POP1: variants seen among roughly 807,000 people sequenced by gnomAD.
POP1 encodes ribonucleases P/MRP protein subunit POP1.
In POP1, 75 loss-of-function variants were observed where a neutral mutation model predicts 102.2. The ratio of observed to expected loss-of-function variants is 0.73; its 90% CI spans 0.61 to 0.89. The LOEUF is 0.89. Ranked by LOEUF, POP1 falls within the 40% of genes least tolerant of loss-of-function variation. The pLI is 0.00. For synonymous variants in POP1, 436 were observed against 464.1 expected (o/e 0.94, Z 0.78); for missense variants, 1,116 against 1,267.4 (o/e 0.88, Z 1.81).
chr8:98,150,624 T>A lies in POP1; in HGVS notation c.2042T>A (p.Leu681His). 6.2e-7 allele frequency: 1 copy of A among 1,614,192 alleles called. No homozygotes were observed. The highest frequency in any genetic ancestry group is 2.2e-5 in the East Asian group (1 of 44,888). ...GCGGAAGAGCAAGCTAAGAATCTTC[T>A]TGAAAAGTACAAAAGGTAAGAAACT... ...LFAEEQAKNL[L>H]EKYKRRPPAK... Residue 681 changes from leucine (L) to histidine (H), a missense_variant, in exon 14 of 16, where the codon CTT becomes CAT. Coordinates refer to ENST00000401707, the MANE Select transcript of POP1 (RefSeq NM_001145860.2).
chr8:98,120,935 C>T (rs933265160), intron 1 of POP1, among the ~76,000 whole-genome samples: 2 of 152,100 alleles, frequency 1.3e-5, no homozygotes, highest in Non-Finnish European at 2.9e-5. Flanking sequence ...CGTGAACCAC[C>T]GCTCCCGGCC....
intron 1 of POP1, among the ~76,000 whole-genome samples, chr8:98,119,759 G>T (rs1311771803): frequency 2.0e-5 from 3 of 152,220 alleles, no homozygotes; most frequent in East Asian, 1.9e-4. Context: ...TGATTTCTTT[G>T]TAGGGATGAG....
chr8:98,132,287 A>G (rs1012204890), intron 5 of POP1, among the ~76,000 whole-genome samples: 1 of 152,112 alleles, frequency 6.6e-6, no homozygotes, highest in Non-Finnish European at 1.5e-5. Context: ...TAGGTAGTTT[A>G]CCCATGATTG....
rs56743833 is a variant in POP1 at position 98,145,927 on chromosome 8, A to G, written c.1595-641A>G. Among the ~76,000 whole-genome samples, 459 of 152,246 alleles carry G rather than the reference A, an allele frequency of 3.0e-3. 3 individuals carry two copies. The East Asian group carries it at 0.048, about 16-fold the overall frequency. Reference sequence around the variant, plus strand: ...TCTCAAAGAAAAAAAAAGGATGAAAAAATACATTTTACAGAAACGAATAAA... The same window carrying G: ...TCTCAAAGAAAAAAAAAGGATGAAAGAATACATTTTACAGAAACGAATAAA... On this transcript the variant is annotated intron_variant, in intron 11 of 15. Coordinates refer to ENST00000401707, the MANE Select transcript of POP1 (RefSeq NM_001145860.2).
At position 98,146,637 on chromosome 8, in the gene POP1, A is replaced by G. The variant is rs755923699; in HGVS notation, c.1664A>G (p.Asn555Ser). The G allele has an allele frequency of 3.7e-6, 6 of 1,613,820 alleles. No individual in the cohort carries two copies. The African/African-American group carries it at 6.7e-5, about 18-fold the overall frequency. The change falls in exon 12 of 16, where the codon AAC becomes AGC. Residue 555 changes from asparagine (N) to serine (S), a missense_variant. Coordinates refer to ENST00000401707, the MANE Select transcript of POP1 (RefSeq NM_001145860.2). ...PVECTHSFIWNQDICKSVTEN... is the reference protein window; with the variant it reads ...PVECTHSFIWSQDICKSVTEN... ...GAATGTACGCATAGCTTTATCTGGA[A>G]CCAAGATATCTGTAAGAGTGTCACA... is the stretch of plus-strand genomic sequence containing the variant.
rs1816678954 is a variant in POP1, at chr8:98,140,792, C to G, written c.1498C>G (p.Pro500Ala). 6.2e-7 allele frequency: 1 copy of G among 1,613,840 alleles called. No individual in the cohort carries two copies. Among genetic ancestry groups the G allele is most frequent in the African/African-American group, 1.3e-5 (1 of 74,920 alleles). Residue 500 changes from proline (P) to alanine (A), a missense_variant, in exon 11 of 16, where the codon CCG becomes GCG. Transcript: ENST00000401707. Reference sequence around the variant, plus strand: ...AGGAATAACATCACCAGCAGAAATTCCGGCAGGTACTATTCTGGGACTGAC... The same window carrying G: ...AGGAATAACATCACCAGCAGAAATTGCGGCAGGTACTATTCTGGGACTGAC... ...LGGITSPAEI[P>A]AGTILGLTVG...
chr8:98,127,460 A>G, intron 2 of POP1, 135 bp from the exon 3 acceptor site: 1 of 1,022,168 alleles, frequency 9.8e-7, no homozygotes, highest in Non-Finnish European at 1.5e-6. Flanking sequence ...TTTAAAAATA[A>G]GTAGTAATAG....
chr8:98,121,512 G>GTTTTTT (rs34259075), intron 1 of POP1, among the ~76,000 whole-genome samples: 4 of 119,690 alleles, frequency 3.3e-5, no homozygotes, highest in African/African-American at 9.9e-5. Flanking sequence ...GGTTACACGG[G>GTTTTTT]TTTTTTTTTT....
intron 11 of POP1, among the ~76,000 whole-genome samples, chr8:98,142,728 G>A (rs1245493081): frequency 6.6e-6 from 1 of 152,004 alleles, no homozygotes. Context: ...AACACTCTTT[G>A]GTAGTATGAC....
Position 98,134,016 on chromosome 8 carries a change from G to T in POP1, c.803G>T (p.Gly268Val), listed in dbSNP as rs1816458523. The change falls in exon 6 of 16, where the codon GGA (glycine) becomes GTA (valine). Residue 268 changes from glycine to valine, a missense_variant. Physicochemically the swap from Gly to Val is moderately radical, Grantham distance 109. Coordinates refer to ENST00000401707, the MANE Select transcript of POP1 (RefSeq NM_001145860.2). ...KEEEILKALS[G>V]MCNIDTGLTF... ...GAAGAAATACTAAAGGCGCTTTCTG[G>T]AATGTGTAACATAGACACAGGTAAA... The T allele has an allele frequency of 6.2e-7, 1 of 1,611,140 alleles. No homozygotes were observed. The highest frequency in any genetic ancestry group is 1.1e-5 in the South Asian group (1 of 91,014).
rs10104499 is a variant in POP1 at position 98,158,799 on chromosome 8, A to T, written c.*528A>T. On this transcript the variant is annotated 3_prime_UTR_variant, in exon 16 of 16. Transcript: ENST00000401707. ...GCCTTAAAGAGAGAAATCATGGACA[A>T]CTGATTTCTGCCTGTTTTCAGGCAG... is the stretch of plus-strand genomic sequence containing the variant. 4,116 of 153,966 alleles carry T rather than the reference A, an allele frequency of 0.027. 170 individuals are homozygous for T. The highest frequency in any genetic ancestry group is 0.085 in the African/African-American group (3,521 of 41,530). The allele number at this position is 153,966 out of a possible 1,614,324, so 9.5% of individuals were successfully genotyped here. A position where few individuals can be genotyped will look rare whatever the true frequency, so the allele number is the denominator to read the frequency against.
At chr8:98,145,577 A>G (rs1409195680) in intron 11 of POP1, among the ~76,000 whole-genome samples, 2 of 152,140 alleles carry the variant, frequency 1.3e-5, no homozygotes, top group East Asian at 3.9e-4. Context: ...ATTTAAAGGG[A>G]TAAAACACTA....
chr8:98,138,559 T>A (rs1816614956), intron 9 of POP1, among the ~76,000 whole-genome samples: 3 of 152,214 alleles, frequency 2.0e-5, no homozygotes, highest in Admixed American at 2.0e-4. Context: ...AGAGAGAGCA[T>A]CTTGCAAATT....
chr8:98,134,267 A>G (rs1816465352), intron 6 of POP1, among the ~76,000 whole-genome samples: 1 of 152,214 alleles, frequency 6.6e-6, no homozygotes, highest in South Asian at 2.1e-4. Flanking sequence ...AGTGAACTTG[A>G]CAGAAAGAAA....
At chr8:98,150,734 T>C in intron 14 of POP1, 95 bp downstream of exon 14, 2 of 1,183,092 alleles carry the variant, frequency 1.7e-6, no homozygotes, top group Non-Finnish European at 1.2e-6. Flanking sequence ...GCTTTGGTAA[T>C]TTCATAGACT....
intron 12 of POP1, 57 bp from the exon 13 acceptor site, chr8:98,148,758 G>A: frequency 6.9e-7 from 1 of 1,441,394 alleles, no homozygotes; most frequent in Non-Finnish European, 9.7e-7. Context: ...GGGAGACCCA[G>A]GAGGATCTCC....
chr8:98,149,478 T>C, intron 13 of POP1, among the ~76,000 whole-genome samples: 1 of 152,138 alleles, frequency 6.6e-6, no homozygotes, highest in East Asian at 1.9e-4. Flanking sequence ...CTTTGAAGGC[T>C]GGGTGTGGTG....
In POP1 at chr8:98,156,155, T is replaced by A. The variant is rs16896695; in HGVS notation, c.2163T>A (p.Ala721=). ...AAGACTGGGAGTCAAGAGTCCAGGC[T>A]TACGAAGAACCTTCTGTAGCTTCAT... ...LTQDWESRVQ[A]YEEPSVASSP... The change falls in exon 15 of 16, where the codon GCT becomes GCA. Residue 721 remains alanine (A), a synonymous_variant. Coordinates refer to ENST00000401707, the MANE Select transcript of POP1 (RefSeq NM_001145860.2). 3.1e-6 allele frequency: 5 copies of A among 1,613,946 alleles called. No individual in the cohort carries two copies. In the African/African-American group the frequency reaches 5.3e-5, roughly 17 times the overall value.
At chr8:98,143,447 C>T (rs1785118647) in intron 11 of POP1, among the ~76,000 whole-genome samples, 1 of 152,124 alleles carries the variant, frequency 6.6e-6, no homozygotes, top group Non-Finnish European at 1.5e-5. Flanking sequence ...CATGCACCGC[C>T]ACCACACAGT....
Sources: allele counts gnomAD v4.1 joint callset (sites outside exome capture counted in the v4.1 genomes callset), GRCh38; gene constraint gnomAD v4.1.1; transcripts MANE v1.5; gene names NCBI Gene and HGNC (gene_info 2026-07-23, HGNC 2026-07-21).